Variants in SLC35A1 observed in about 807,000 individuals in gnomAD.
SLC35A1 encodes solute carrier family 35 member A1.
A neutral mutation model predicts 40.3 loss-of-function variants in SLC35A1; 21 were observed. That is an observed-to-expected ratio of 0.52 (90% CI 0.37 to 0.75). SLC35A1 has a LOEUF of 0.75. Among genes scored for constraint, SLC35A1 ranks in the 30% least tolerant of loss-of-function variants. SLC35A1 has a pLI of 0.00. For synonymous variants in SLC35A1, 146 were observed against 147.3 expected (o/e 0.99, Z 0.06); for missense variants, 297 against 382.1 (o/e 0.78, Z 1.86).
intron 1 of SLC35A1, 42 bp from the exon 2 acceptor site, chr6:87,477,320 T>C: frequency 6.8e-7 from 1 of 1,465,470 alleles, no homozygotes. Context: ...TATATACATA[T>C]ATTGTCTACT....
chr6:87,511,772 A>T lies in SLC35A1; in HGVS notation c.*246A>T, dbSNP rs1260139940. On this transcript the variant is annotated 3_prime_UTR_variant, in exon 8 of 8. Coordinates refer to ENST00000369552, the MANE Select transcript of SLC35A1 (RefSeq NM_006416.5). ...GAAGGAATTGTATTATTGTGTGTAT[A>T]TATAATTTGTAAATAAAAAGTATGG... 8.3e-6 allele frequency: 4 copies of T among 484,432 alleles called. No individual in the cohort carries two copies. The East Asian group carries it at 1.6e-4, about 19-fold the overall frequency. 30.0% of individuals were successfully genotyped at this position (484,432 alleles called of 1,614,324 possible). A position where few individuals can be genotyped will look rare whatever the true frequency, so the allele number is the denominator to read the frequency against.
Position 87,477,364 on chromosome 6 carries a change from A to G in SLC35A1, c.19A>G (p.Asn7Asp). The change falls in exon 2 of 8, where the codon AAT (asparagine) becomes GAT (aspartate). Residue 7 changes from asparagine to aspartate, a missense_variant and splice_region_variant. Transcript: ENST00000369552. MAAPRD[N>D]VTLLFKLYCL... ...TCTTTGTTGCACGTATTTTCCAGAC[A>G]ATGTCACTTTATTATTCAAGTTATA... 1 of 1,612,276 alleles carries G rather than the reference A, an allele frequency of 6.2e-7. No individual in the cohort carries two copies. Among genetic ancestry groups the G allele is most frequent in the Non-Finnish European group, 8.5e-7 (1 of 1,179,568 alleles).
At chr6:87,473,462 C>T (rs140975615) in intron 1 of SLC35A1, among the ~76,000 whole-genome samples, 5 of 152,220 alleles carry the variant, frequency 3.3e-5, no homozygotes, top group Non-Finnish European at 5.9e-5. Context: ...AAGGCAGGCT[C>T]CGGGCGCAGA....
chr6:87,497,752 G>A lies in SLC35A1; in HGVS notation c.195-2756G>A, dbSNP rs200886265. 4.6e-5 allele frequency among the ~76,000 whole-genome samples: 7 copies of A among 152,156 alleles called. No homozygotes were observed. The East Asian group carries it at 1.4e-3, about 29-fold the overall frequency. On this transcript the variant is annotated intron_variant, in intron 2 of 7. Transcript: ENST00000369552. ...TTTTTTTCTTTTTTTTAAAAGAGAT[G>A]GTATCTTACTCTTTCACCCAGGCTG...
At chr6:87,502,523 G>A (rs1312598668) in intron 4 of SLC35A1, among the ~76,000 whole-genome samples, 1 of 152,072 alleles carries the variant, frequency 6.6e-6, no homozygotes, top group East Asian at 1.9e-4. Flanking sequence ...ATTGTTCCTA[G>A]GCTACAAACT....
chr6:87,473,049 G>A, intron 1 of SLC35A1, 30 bp downstream of exon 1: 1 of 525,820 alleles, frequency 1.9e-6, no homozygotes, highest in South Asian at 4.7e-5. Context: ...GGAGTGGGGA[G>A]TCCGCGGGGG....
Position 87,477,428 on chromosome 6 carries a change from C to T in SLC35A1, c.83C>T (p.Thr28Ile). ...ATGACCCTGATGGCTGCAGTCTATA[C>T]CATAGCTTTAAGATACACAAGGACA... Reference protein sequence around the residue: ...AVMTLMAAVYTIALRYTRTSD... With the variant: ...AVMTLMAAVYIIALRYTRTSD... Residue 28 changes from threonine to isoleucine, a missense_variant, in exon 2 of 8, where the codon ACC becomes ATC. Thr to Ile is a moderately conservative substitution (Grantham distance 89). Coordinates refer to ENST00000369552, the MANE Select transcript of SLC35A1 (RefSeq NM_006416.5). 1 of 1,613,628 alleles carries T rather than the reference C, an allele frequency of 6.2e-7. No homozygotes were observed. The highest frequency in any genetic ancestry group is 8.5e-7 in the Non-Finnish European group (1 of 1,179,674).
At chr6:87,508,283 A>T in intron 5 of SLC35A1, 137 bp from the exon 6 acceptor site, 1 of 630,316 alleles carries the variant, frequency 1.6e-6, no homozygotes, top group Non-Finnish European at 2.8e-6. Flanking sequence ...CTACATAATA[A>T]ATGCACATTT....
At chr6:87,510,300 T>G (rs1770224453) in intron 7 of SLC35A1, among the ~76,000 whole-genome samples, 1 of 152,174 alleles carries the variant, frequency 6.6e-6, no homozygotes, top group African/African-American at 2.4e-5. Flanking sequence ...TGATCTATCT[T>G]TATGTTCAAC....
intron 2 of SLC35A1, among the ~76,000 whole-genome samples, chr6:87,492,969 C>A (rs1411681566): frequency 2.0e-5 from 3 of 152,140 alleles, no homozygotes; most frequent in Non-Finnish European, 4.4e-5. Context: ...GATAAATATT[C>A]TCTTTCTCAT....
chr6:87,501,107 T>C (rs1384565467), intron 3 of SLC35A1, 51 bp from the exon 4 acceptor site: 6 of 1,414,502 alleles, frequency 4.2e-6, no homozygotes, highest in Admixed American at 3.3e-5. Flanking sequence ...AATATATTTG[T>C]ATCAGAGACT....
At chr6:87,504,748 C>A (rs1490038301) in intron 4 of SLC35A1, among the ~76,000 whole-genome samples, 2 of 152,126 alleles carry the variant, frequency 1.3e-5, no homozygotes, top group Non-Finnish European at 2.9e-5. Context: ...CACTATTTTT[C>A]CTAACTGTAG....
At chr6:87,509,895 TTATAA>T (rs1419457984) in intron 7 of SLC35A1, among the ~76,000 whole-genome samples, 9 of 152,226 alleles carry the variant, frequency 5.9e-5, no homozygotes, top group Non-Finnish European at 1.2e-4. Flanking sequence ...TGATCAATTA[TTATAA>T]TATAAACCAA....
In SLC35A1 at chr6:87,508,414, T is replaced by C; in HGVS notation, c.575-6T>C. ...TTTAATATTTGCATGTCTAATTTTC[T>C]TTCAGGAGTATATTTTGAAAAAGTT... On this transcript the variant is annotated splice_region_variant and splice_polypyrimidine_tract_variant and intron_variant, in intron 5 of 7. Coordinates refer to ENST00000369552, the MANE Select transcript of SLC35A1 (RefSeq NM_006416.5). 6.3e-7 allele frequency: 1 copy of C among 1,576,660 alleles called. No homozygotes were observed. The highest frequency in any genetic ancestry group is 8.7e-7 in the Non-Finnish European group (1 of 1,148,494).
intron 2 of SLC35A1, among the ~76,000 whole-genome samples, chr6:87,490,312 G>A (rs545826150): frequency 1.3e-5 from 2 of 151,708 alleles, no homozygotes; most frequent in Non-Finnish European, 2.9e-5. Flanking sequence ...TTCAGTGAAG[G>A]GTGCCTGATA....
Position 87,500,488 on chromosome 6 carries a change from T to C in SLC35A1, c.195-20T>C, listed in dbSNP as rs1177275613. ...TTTTCTTCCTTACCACCCTCTCATCTCCCCCTTTTGTTTTCAAAGAGAAAC... is the reference window on the plus strand; with the variant it reads ...TTTTCTTCCTTACCACCCTCTCATCCCCCCCTTTTGTTTTCAAAGAGAAAC... On this transcript the variant is annotated intron_variant, in intron 2 of 7. Coordinates refer to ENST00000369552, the MANE Select transcript of SLC35A1 (RefSeq NM_006416.5). 1 of 1,613,266 alleles carries C rather than the reference T, an allele frequency of 6.2e-7. No homozygotes were observed. Among genetic ancestry groups the C allele is most frequent in the Non-Finnish European group, 8.5e-7 (1 of 1,179,330 alleles).
At chr6:87,497,927 C>A (rs915231724) in intron 2 of SLC35A1, among the ~76,000 whole-genome samples, 15 of 149,936 alleles carry the variant, frequency 1.0e-4, no homozygotes, top group Non-Finnish European at 2.2e-4. Flanking sequence ...AGGGATTTTC[C>A]TCTGTTACTT....
intron 2 of SLC35A1, among the ~76,000 whole-genome samples, chr6:87,481,594 A>G (rs143747382): frequency 3.3e-5 from 5 of 152,164 alleles, no homozygotes; most frequent in Non-Finnish European, 7.3e-5. Flanking sequence ...ATTATACCAG[A>G]TAAGCTAAAT....
chr6:87,473,074 G>A (rs921413769), intron 1 of SLC35A1, 55 bp downstream of exon 1: 40 of 455,006 alleles, frequency 8.8e-5, no homozygotes, highest in Non-Finnish European at 1.3e-4. Context: ...CGGCGGGCGA[G>A]CATCTGCGCT....
Sources: allele counts gnomAD v4.1 joint callset (sites outside exome capture counted in the v4.1 genomes callset), GRCh38; gene constraint gnomAD v4.1.1; transcripts MANE v1.5; gene names NCBI Gene and HGNC (gene_info 2026-07-23, HGNC 2026-07-21).